Variants in NRIP1 observed in about 807,000 individuals in gnomAD.
NRIP1 encodes the protein nuclear receptor interacting protein 1.
Under a neutral mutation model 75.0 loss-of-function variants are expected in NRIP1, and 28 were observed. That is an observed-to-expected ratio of 0.37 (90% confidence interval 0.28 to 0.51). The LOEUF is 0.51. NRIP1 is among the 20% of genes least tolerant of loss of function. The pLI is 0.92. For missense variants in NRIP1, 1,435 were observed against 1,343.7 expected, an observed-to-expected ratio of 1.07 and a Z score of -1.06; for synonymous variants, 526 against 487.6, an observed-to-expected ratio of 1.08 and a Z score of -1.04.
intron 2 of NRIP1, among the ~76,000 whole-genome samples, chr21:15,034,691 A>G (rs191988142): frequency 9.8e-5 from 15 of 152,340 alleles, no homozygotes; most frequent in Admixed American, 2.0e-4. Context: ...GGAAGTGGAA[A>G]GAACTAGGTC....
At position 14,968,008 on chromosome 21, in the gene NRIP1, T is replaced by C; in HGVS notation, c.185A>G (p.Gln62Arg). ...NISGSAFPTC[Q>R]SNGPVLNTHT... ...TGTATTGAGAACTGGACCATTACTT[T>C]GACAGGTGGGAAATGCACTGCCAGA... The change falls in exon 4 of 4, where the codon CAA (glutamine) becomes CGA (arginine). Residue 62 changes from glutamine to arginine, a missense_variant. Transcript: ENST00000318948. 6.2e-7 allele frequency: 1 copy of C among 1,614,074 alleles called. No homozygotes were observed. The highest frequency in any genetic ancestry group is 8.5e-7 in the Non-Finnish European group (1 of 1,180,010).
intron 3 of NRIP1, among the ~76,000 whole-genome samples, chr21:15,006,466 A>C (rs2087975058): frequency 6.6e-6 from 1 of 152,238 alleles, no homozygotes; most frequent in Admixed American, 6.5e-5. Flanking sequence ...AGTCTGGTGG[A>C]ACAAACAGCT....
chr21:14,965,614 T>C lies in NRIP1; in HGVS notation c.2579A>G (p.Lys860Arg). The C allele has an allele frequency of 6.2e-7, 1 of 1,613,486 alleles. No individual in the cohort carries two copies. Among genetic ancestry groups the C allele is most frequent in the Non-Finnish European group, 8.5e-7 (1 of 1,179,890 alleles). Reference sequence around the variant, plus strand: ...ATTTTCTAATGGCTCAGTATAAAGCTTCCTTTTCTTAGGGACCATGCAAAG... The same window carrying C: ...ATTTTCTAATGGCTCAGTATAAAGCCTCCTTTTCTTAGGGACCATGCAAAG... ...KNLCMVPKKR[K>R]LYTEPLENPF... is the part of the protein sequence containing the mutation. The change falls in exon 4 of 4, where the codon AAG becomes AGG. Residue 860 changes from lysine to arginine, a missense_variant. Transcript: ENST00000318948.
At chr21:15,014,537 C>A (rs1438255343) in intron 2 of NRIP1, 71 bp from the exon 3 acceptor site, 2 of 397,980 alleles carry the variant, frequency 5.0e-6, no homozygotes, top group Admixed American at 8.8e-5. Context: ...TGATCAAGTT[C>A]AACTTATCCC....
intron 3 of NRIP1, among the ~76,000 whole-genome samples, chr21:14,972,063 G>T (rs2086915950): frequency 6.6e-6 from 1 of 152,166 alleles, no homozygotes; most frequent in South Asian, 2.1e-4. Context: ...TGGAGAGGCT[G>T]CCTCAGGTGA....
chr21:15,057,497 A>G (rs1451240797), intron 1 of NRIP1, among the ~76,000 whole-genome samples: 2 of 152,200 alleles, frequency 1.3e-5, no homozygotes, highest in Non-Finnish European at 2.9e-5. Context: ...CAGCGCTTTG[A>G]GAACTAGCAT....
chr21:14,990,651 T>A (rs1216101779), intron 3 of NRIP1, among the ~76,000 whole-genome samples: 1 of 152,178 alleles, frequency 6.6e-6, no homozygotes, highest in African/African-American at 2.4e-5. Flanking sequence ...GCTATATGTG[T>A]GAACAGACAT....
At chr21:14,970,110 C>G (rs190079677) in intron 3 of NRIP1, among the ~76,000 whole-genome samples, 150 of 152,256 alleles carry the variant, frequency 9.9e-4, no homozygotes, top group Admixed American at 1.6e-3. Context: ...TTTTCTCCCC[C>G]CTCTGGTTAT....
chr21:15,053,213 GA>G (rs1478959504), intron 1 of NRIP1, among the ~76,000 whole-genome samples: 1 of 152,122 alleles, frequency 6.6e-6, no homozygotes, highest in Middle Eastern at 3.2e-3. Context: ...ATTAAAGGAG[GA>G]AAAAAGAGAA....
chr21:14,966,476 G>C lies in NRIP1; in HGVS notation c.1717C>G (p.Leu573Val). ...GSPINLSQHS[L>V]VIKWNSPPYV... ...GGTGGGGAATTCCATTTGATGACCAGAGAGTGTTGAGAGAGATTGATGGGA... is the reference window on the plus strand; with the variant it reads ...GGTGGGGAATTCCATTTGATGACCACAGAGTGTTGAGAGAGATTGATGGGA... The change falls in exon 4 of 4, where the codon CTG becomes GTG. Residue 573 changes from leucine (L) to valine (V), a missense_variant. Coordinates refer to ENST00000318948, the MANE Select transcript of NRIP1 (RefSeq NM_003489.4). 6.2e-7 allele frequency: 1 copy of C among 1,614,126 alleles called. No individual in the cohort carries two copies. The highest frequency in any genetic ancestry group is 8.5e-7 in the Non-Finnish European group (1 of 1,179,992).
At chr21:15,061,586 C>G (rs2089424899) in intron 1 of NRIP1, among the ~76,000 whole-genome samples, 1 of 152,106 alleles carries the variant, frequency 6.6e-6, no homozygotes, top group South Asian at 2.1e-4. Context: ...GCAAAACTGA[C>G]CCTAGCACAA....
At chr21:15,064,283 C>T (rs1161737065) in intron 1 of NRIP1, among the ~76,000 whole-genome samples, 1 of 152,216 alleles carries the variant, frequency 6.6e-6, no homozygotes, top group Non-Finnish European at 1.5e-5. Context: ...ACTTTCCCAG[C>T]CGGGTATCCA....
chr21:15,008,201 C>T (rs1419064800), intron 3 of NRIP1, among the ~76,000 whole-genome samples: 1 of 152,128 alleles, frequency 6.6e-6, no homozygotes, highest in East Asian at 1.9e-4. Context: ...TAAATATCTG[C>T]CAGAGAGCAG....
chr21:15,037,160 T>C (rs2088854359), intron 2 of NRIP1, among the ~76,000 whole-genome samples: 8 of 152,160 alleles, frequency 5.3e-5, no homozygotes, highest in Admixed American at 4.6e-4. Flanking sequence ...CAAAGAAATG[T>C]ACATATTCAA....
At chr21:14,972,158 T>A (rs1418362355) in intron 3 of NRIP1, among the ~76,000 whole-genome samples, 1 of 151,146 alleles carries the variant, frequency 6.6e-6, no homozygotes, top group African/African-American at 2.5e-5. Flanking sequence ...CCTTAAGGCC[T>A]GAACGCACTT....
At chr21:15,051,103 G>A (rs557376299) in intron 1 of NRIP1, 4 of 359,536 alleles carry the variant, frequency 1.1e-5, no homozygotes, top group Non-Finnish European at 2.2e-5. Context: ...CTCTCTTCTA[G>A]CTCCTGCCCC....
chr21:15,053,596 C>A (rs909842308), intron 1 of NRIP1, among the ~76,000 whole-genome samples: 10 of 152,096 alleles, frequency 6.6e-5, no homozygotes, highest in Non-Finnish European at 1.3e-4. Flanking sequence ...CCGACTGACA[C>A]TAATGAACAA....
chr21:15,023,763 A>G (rs1165949490), intron 2 of NRIP1, among the ~76,000 whole-genome samples: 1 of 152,210 alleles, frequency 6.6e-6, no homozygotes, highest in East Asian at 1.9e-4. Context: ...CCAAAAGAAA[A>G]TAGTAGGAAA....
Position 15,014,419 on chromosome 21 carries a change from T to C in NRIP1, c.-410A>G, listed in dbSNP as rs2088177906. On this transcript the variant is annotated 5_prime_UTR_variant, in exon 3 of 4. Coordinates refer to ENST00000318948, the MANE Select transcript of NRIP1 (RefSeq NM_003489.4). ...AGGCTGTTGAAAAGTAGCTCTGATG[T>C]CATCCGGAGTCTTCAGATTCCCTGT... 1 of 398,460 alleles carries C rather than the reference T, an allele frequency of 2.5e-6. No individual in the cohort carries two copies. Among genetic ancestry groups the C allele is most frequent in the Non-Finnish European group, 4.4e-6 (1 of 225,928 alleles). 24.7% of individuals were successfully genotyped at this position (398,460 alleles called of 1,614,324 possible). A position where few individuals can be genotyped will look rare whatever the true frequency, so the allele number is the denominator to read the frequency against.
Sources: gnomAD v4.1 joint callset for allele counts (sites outside exome capture counted in the v4.1 genomes callset) on GRCh38, gnomAD v4.1.1 for gene constraint, MANE v1.5 for transcripts, NCBI Gene and HGNC (gene_info 2026-07-23, HGNC 2026-07-21) for gene names.